Variants in SLC38A10 observed in about 807,000 individuals in gnomAD.
SLC38A10 encodes the protein solute carrier family 38 member 10, also known as Sodium-coupled neutral amino acid transporter 10.
In SLC38A10, 53 loss-of-function variants were observed where a neutral mutation model predicts 81.0. That is an observed-to-expected ratio of 0.65 (90% CI 0.53 to 0.82). SLC38A10 has a LOEUF of 0.82. Among genes scored for constraint, SLC38A10 ranks in the 40% least tolerant of loss-of-function variants. The pLI, the probability that SLC38A10 is intolerant of heterozygous loss-of-function variation, is 0.00. For synonymous variants in SLC38A10, 665 were observed against 655.3 expected (o/e 1.01, Z -0.23); for missense variants, 1,471 against 1,545.0 (o/e 0.95, Z 0.80).
At chr17:81,266,159 G>A (rs1220047833) in intron 10 of SLC38A10, among the ~76,000 whole-genome samples, 3 of 152,198 alleles carry the variant, frequency 2.0e-5, no homozygotes, top group Admixed American at 6.5e-5. Context: ...CGCCACACAC[G>A]GGCAAGAGAG....
chr17:81,258,178 G>C (rs2062989679), intron 11 of SLC38A10, among the ~76,000 whole-genome samples: 1 of 152,182 alleles, frequency 6.6e-6, no homozygotes, highest in Non-Finnish European at 1.5e-5. Flanking sequence ...CCAGTCAGCA[G>C]GTACCATCTT....
At chr17:81,274,611 C>T (rs796510550) in intron 8 of SLC38A10, among the ~76,000 whole-genome samples, 19 of 152,224 alleles carry the variant, frequency 1.2e-4, no homozygotes, top group Admixed American at 1.2e-3. Flanking sequence ...GGAGGGGAAC[C>T]TGGACGGGGC....
In SLC38A10 at chr17:81,286,595, G is replaced by A. The variant is rs67166424; in HGVS notation, c.218-1700C>T. 0.075 allele frequency among the ~76,000 whole-genome samples: 11,423 copies of A among 152,228 alleles called. 803 individuals carry two copies. The highest frequency in any genetic ancestry group is 0.18 in the African/African-American group (7,500 of 41,524). On this transcript the variant is annotated intron_variant, in intron 2 of 15. Transcript: ENST00000374759. This position sits in a 1 kb window ranked among gnomAD's most constrained non-coding sequence, Gnocchi z 6.0. The stretch of plus-strand genomic sequence containing the variant: ...AGGCTGAAGCGCCCAGCAAGGTCCC[G>A]GGGACCCAGCCCTCCCCCGAGTGTG...
chr17:81,276,003 C>G lies in SLC38A10; in HGVS notation c.878G>C (p.Arg293Thr). 2 of 1,613,718 alleles carry G rather than the reference C, an allele frequency of 1.2e-6. No homozygotes were observed. Among genetic ancestry groups the G allele is most frequent in the Non-Finnish European group, 1.7e-6 (2 of 1,180,004 alleles). ...ACACAGCAGCGTGCTCAGGGCCTGC[C>G]TGCATGGCAGGATCATCATGGGGAA... is the stretch of plus-strand genomic sequence containing the variant. The part of the protein sequence containing the change: ...VGFPMMILPC[R>T]QALSTLLCEQ... The change falls in exon 8 of 16, where the codon AGG (arginine) becomes ACG (threonine). Residue 293 changes from arginine to threonine, a missense_variant. Physicochemically the swap from Arg to Thr is moderately conservative, Grantham distance 71. Around this residue, in one of 2 missense-constraint regions of SLC38A10, gnomAD observed 720 missense variants for 827.7 expected, o/e 0.87. Coordinates refer to ENST00000374759, the MANE Select transcript of SLC38A10 (RefSeq NM_001037984.3). This position sits in a 1 kb window ranked among gnomAD's most constrained non-coding sequence, Gnocchi z 4.7.
At chr17:81,290,690 G>GC (rs2063303409) in intron 1 of SLC38A10, among the ~76,000 whole-genome samples, 1 of 152,164 alleles carries the variant, frequency 6.6e-6, no homozygotes, top group South Asian at 2.1e-4. Context: ...TGGTTACACA[G>GC]CAAGCCCATG....
At chr17:81,293,119 C>T (rs1307371487) in intron 1 of SLC38A10, among the ~76,000 whole-genome samples, 2 of 152,248 alleles carry the variant, frequency 1.3e-5, no homozygotes, top group East Asian at 1.9e-4. Context: ...GCCGAGACTG[C>T]ACCACTGCAC....
At chr17:81,272,705 G>A (rs1297863609) in intron 8 of SLC38A10, 78 bp from the exon 9 acceptor site, 8 of 1,034,432 alleles carry the variant, frequency 7.7e-6, no homozygotes, top group Middle Eastern at 2.1e-4. Context: ...GCCTGAAAGG[G>A]CTCTGCCAGG....
intron 13 of SLC38A10, 93 bp from the exon 14 acceptor site, chr17:81,251,705 G>T (rs1268652501): frequency 1.4e-5 from 19 of 1,339,852 alleles, no homozygotes; most frequent in Non-Finnish European, 1.7e-5. Context: ...GGGACAAAAG[G>T]AAGTGGCAGA....
At chr17:81,258,476 G>C (rs1293241848) in intron 11 of SLC38A10, among the ~76,000 whole-genome samples, 1 of 152,152 alleles carries the variant, frequency 6.6e-6, no homozygotes, top group Non-Finnish European at 1.5e-5. Context: ...CCTCATGACG[G>C]GATACAGCTG....
rs756676073 is a variant in SLC38A10, at chr17:81,272,587, G to A, written c.953C>T (p.Pro318Leu). The A allele has an allele frequency of 3.2e-6, 5 of 1,581,626 alleles. No individual in the cohort carries two copies. The South Asian group carries it at 3.5e-5, about 11-fold the overall frequency. The change falls in exon 9 of 16, where the codon CCT (proline) becomes CTT (leucine). Residue 318 changes from proline to leucine, a missense_variant. Around this residue, in one of 2 missense-constraint regions of SLC38A10, gnomAD observed 720 missense variants for 827.7 expected, o/e 0.87. Transcript: ENST00000374759. The stretch of plus-strand genomic sequence containing the variant: ...GAGGGTAAGTGCTTTAAACCGGAGA[G>A]GGGGCATGTAGCCCCCTGCTGCAAA... ...GTFAAGGYMP[P>L]LRFKALTLSV... is the part of the protein sequence containing the mutation.
At chr17:81,257,521 C>T (rs1200436953) in intron 11 of SLC38A10, among the ~76,000 whole-genome samples, 1 of 152,232 alleles carries the variant, frequency 6.6e-6, no homozygotes, top group Non-Finnish European at 1.5e-5. Context: ...GAGATCACCC[C>T]GCCATCCGTG....
rs1179739680 is a variant in SLC38A10 at position 81,281,502 on chromosome 17, C to T, written c.501+687G>A. On this transcript the variant is annotated intron_variant, in intron 5 of 15. Coordinates refer to ENST00000374759, the MANE Select transcript of SLC38A10 (RefSeq NM_001037984.3). This position sits in a 1 kb window ranked among gnomAD's most constrained non-coding sequence, Gnocchi z 5.3. ...ATTTAGAAAAATAATAGCGGCCGGG[C>T]GTGGTGGCTCATGCCTGTAACCCCA... is the stretch of plus-strand genomic sequence containing the variant. Among the ~76,000 whole-genome samples, 1 of 152,048 alleles carries T rather than the reference C, an allele frequency of 6.6e-6. No individual in the cohort carries two copies. The highest frequency in any genetic ancestry group is 1.5e-5 in the Non-Finnish European group (1 of 68,012).
chr17:81,285,519 T>A (rs2063257517), intron 2 of SLC38A10: 2 of 152,214 alleles, frequency 1.3e-5, no homozygotes, highest in South Asian at 4.1e-4. Flanking sequence ...GGCGGCCGAA[T>A]GCGGAAGGAG....
intron 11 of SLC38A10, among the ~76,000 whole-genome samples, chr17:81,257,208 C>T (rs958238002): frequency 1.3e-5 from 2 of 152,180 alleles, no homozygotes; most frequent in Non-Finnish European, 2.9e-5. Context: ...CAGCCCTGAC[C>T]TTCCAGGCTC....
At chr17:81,282,744 C>A (rs905283539) in intron 4 of SLC38A10, among the ~76,000 whole-genome samples, 2 of 152,170 alleles carry the variant, frequency 1.3e-5, no homozygotes, top group Non-Finnish European at 2.9e-5. Context: ...AACGGAAGGT[C>A]GAATGGGGAG....
At position 81,286,233 on chromosome 17, in the gene SLC38A10, A is replaced by C. The variant is rs187170845; in HGVS notation, c.218-1338T>G. ...CCATAATGTGCCTTTTCATTCTCCA[A>C]AAGGAAGCTGAGTCTCTACAGCATA... On this transcript the variant is annotated intron_variant, in intron 2 of 15. Transcript: ENST00000374759. This position sits in a 1 kb window ranked among gnomAD's most constrained non-coding sequence, Gnocchi z 6.0. Among the ~76,000 whole-genome samples the C allele has an allele frequency of 2.3e-3, 354 of 152,292 alleles. 4 individuals carry two copies. The highest frequency in any genetic ancestry group is 7.7e-3 in the African/African-American group (321 of 41,548).
At chr17:81,290,447 C>T (rs1170252282) in intron 1 of SLC38A10, among the ~76,000 whole-genome samples, 1 of 152,206 alleles carries the variant, frequency 6.6e-6, no homozygotes, top group Admixed American at 6.5e-5. Flanking sequence ...TGACTACTGA[C>T]ACCCACCATG....
Position 81,253,277 on chromosome 17 carries a change from A to T in SLC38A10, c.1289-37T>A, listed in dbSNP as rs544781916. 3 of 1,604,094 alleles carry T rather than the reference A, an allele frequency of 1.9e-6. No individual in the cohort carries two copies. The highest frequency in any genetic ancestry group is 2.2e-5 in the South Asian group (2 of 90,864). Reference sequence around the variant, plus strand: ...GCACAGTTAGGGAACTGCACTGCCAAGCAGCTCCAGGAGCGGGGCAGCTCT... The same window carrying T: ...GCACAGTTAGGGAACTGCACTGCCATGCAGCTCCAGGAGCGGGGCAGCTCT... On this transcript the variant is annotated intron_variant, in intron 11 of 15. Transcript: ENST00000374759. This position sits in a 1 kb window ranked among gnomAD's most constrained non-coding sequence, Gnocchi z 4.1.
Position 81,271,034 on chromosome 17 carries a change from AGAAGTGACAG to A in SLC38A10, c.1025-20_1025-11del, listed in dbSNP as rs1400281545. 1.2e-6 allele frequency: 2 copies of A among 1,606,522 alleles called. No individual in the cohort carries two copies. The highest frequency in any genetic ancestry group is 2.7e-5 in the African/African-American group (2 of 74,774). On this transcript the variant is annotated splice_polypyrimidine_tract_variant and intron_variant, in intron 9 of 15. Transcript: ENST00000374759. ...CCCAGGATGGTCTCCACTAGGATGG[AGAAGTGACAG>A]GAAGGGATGAGTGGGGAAGGGCTCT...
Sources: allele counts gnomAD v4.1 joint callset (sites outside exome capture counted in the v4.1 genomes callset), GRCh38; gene constraint gnomAD v4.1.1; regional missense constraint gnomAD v4.1.1; non-coding constraint Gnocchi (gnomAD v3.1); transcripts MANE v1.5; gene names NCBI Gene and HGNC (gene_info 2026-07-23, HGNC 2026-07-21).